Variants in MED23 observed in about 807,000 individuals in gnomAD.
The protein encoded by MED23 is mediator of RNA polymerase II transcription subunit 23.
In MED23, 105 loss-of-function variants were observed where a neutral mutation model predicts 163.9. The ratio of observed to expected loss-of-function variants is 0.64; its 90% CI spans 0.55 to 0.75. The LOEUF (loss-of-function observed/expected upper bound fraction) is 0.75. Ranked by LOEUF, MED23 falls within the 30% of genes least tolerant of loss-of-function variation. The probability of loss-of-function intolerance (pLI) is 0.00; values close to 1 mark genes in which losing one functional copy is unlikely to be tolerated. For missense variants in MED23, 1,054 were observed against 1,649.0 expected (o/e 0.64, Z 6.25); for synonymous variants, 561 against 565.6 (o/e 0.99, Z 0.12).
At chr6:131,579,760 A>G (rs935378162) in intron 30 of MED23, 1 of 159,110 alleles carries the variant, frequency 6.3e-6, no homozygotes, top group Non-Finnish European at 1.4e-5. Context: ...CATTTCAACC[A>G]GAATTGAAAA....
chr6:131,573,977 A>G, exon 31 of MED23: 1 of 418,756 alleles, frequency 2.4e-6, no homozygotes, highest in African/African-American at 2.0e-5. Flanking sequence ...TGGCAACTCT[A>G]AAAGGATTTT....
exon 31 of MED23, chr6:131,574,115 G>C: frequency 1.3e-6 from 1 of 756,838 alleles, no homozygotes; most frequent in South Asian, 1.5e-5. Flanking sequence ...TGTGATGACA[G>C]AACACCTTAG....
At chr6:131,579,028 A>G in intron 30 of MED23, 1 of 1,494,466 alleles carries the variant, frequency 6.7e-7, no homozygotes, top group Non-Finnish European at 9.2e-7. Context: ...ATATATGCCT[A>G]TTTTATACAA....
intron 26 of MED23, among the ~76,000 whole-genome samples, chr6:131,590,967 G>T (rs1267530887): frequency 6.9e-6 from 1 of 145,322 alleles, no homozygotes; most frequent in Non-Finnish European, 1.5e-5. Context: ...AATGAGATTA[G>T]AACAAAATGA....
chr6:131,628,272 A>C, upstream of MED23: 3 of 566,852 alleles, frequency 5.3e-6, no homozygotes, highest in Non-Finnish European at 9.5e-6. Flanking sequence ...CCGTTTGCAA[A>C]CCCCGCAGAA....
chr6:131,621,941 A>C lies in MED23; in HGVS notation c.435T>G (p.Ile145Met). The change falls in exon 6 of 29, where the codon ATT (isoleucine) becomes ATG (methionine). Residue 145 changes from isoleucine to methionine, a missense_variant. Ile to Met is a conservative substitution (Grantham distance 10, BLOSUM62 1). Coordinates refer to ENST00000368068, the MANE Select transcript of MED23 (RefSeq NM_004830.4). ...RDLLKVILEK[I>M]LTIPNTVSSA... ...AGCTCACTGTATTAGGAATTGTCAA[A>C]ATCTTCTCCAAAATCACTTTTAAGA... 1 of 1,613,860 alleles carries C rather than the reference A, an allele frequency of 6.2e-7. No homozygotes were observed. The highest frequency in any genetic ancestry group is 8.5e-7 in the Non-Finnish European group (1 of 1,179,814).
Position 131,610,222 on chromosome 6 carries a change from C to T in MED23, c.901G>A (p.Glu301Lys). The T allele has an allele frequency of 6.2e-7, 1 of 1,613,946 alleles. No individual in the cohort carries two copies. The highest frequency in any genetic ancestry group is 8.5e-7 in the Non-Finnish European group (1 of 1,179,900). Residue 301 changes from glutamate to lysine, a missense_variant, in exon 11 of 29, where the codon GAG (glutamate) becomes AAG (lysine). Glu to Lys is a moderately conservative substitution (Grantham distance 56). Coordinates refer to ENST00000368068, the MANE Select transcript of MED23 (RefSeq NM_004830.4). Reference sequence around the variant, plus strand: ...ACAACCAGATCCACCAACTGGTCCTCCAGCACAGGGCAGCGCTGCTTGTGC... The same window carrying T: ...ACAACCAGATCCACCAACTGGTCCTTCAGCACAGGGCAGCGCTGCTTGTGC... ...KQHKQRCPVL[E>K]DQLVDLVVYA...
intron 18 of MED23, 141 bp downstream of exon 18, chr6:131,599,897 C>A (rs941401584): frequency 9.7e-7 from 1 of 1,026,624 alleles, no homozygotes; most frequent in Non-Finnish European, 1.4e-6. Flanking sequence ...GCTTGTGCCA[C>A]CATGCCCAGC....
intron 20 of MED23, among the ~76,000 whole-genome samples, chr6:131,597,699 A>T (rs2608984): frequency 0.17 from 25,749 of 152,010 alleles, 2,417 homozygotes; most frequent in East Asian, 0.33. Flanking sequence ...TCAAAGTATC[A>T]CAAGGCTAGG....
intron 17 of MED23, among the ~76,000 whole-genome samples, chr6:131,601,991 T>C (rs1220691349): frequency 6.6e-6 from 1 of 152,160 alleles, no homozygotes; most frequent in African/African-American, 2.4e-5. Context: ...GTATTACTAC[T>C]TTAAAATTAT....
In MED23 at chr6:131,598,433, C is replaced by T; in HGVS notation, c.2461G>A (p.Ala821Thr). The change falls in exon 20 of 29, where the codon GCC (alanine) becomes ACC (threonine). Residue 821 changes from alanine to threonine, a missense_variant. Transcript: ENST00000368068. The surrounding 1 kb of genome is among the most constrained non-coding windows in gnomAD (Gnocchi z 4.7). ...LERIGARALV[A>T]HVRTFADFLV... ...AAATCTGCAAATGTCCTCACATGGGCTACCAAGGCCCTGGCTCCAATTCTC... is the reference window on the plus strand; with the variant it reads ...AAATCTGCAAATGTCCTCACATGGGTTACCAAGGCCCTGGCTCCAATTCTC... The T allele has an allele frequency of 6.2e-7, 1 of 1,614,162 alleles. No individual in the cohort carries two copies. The highest frequency in any genetic ancestry group is 1.3e-5 in the African/African-American group (1 of 75,036).
chr6:131,586,137 T>C (rs1429473428), downstream of MED23, among the ~76,000 whole-genome samples: 2 of 152,226 alleles, frequency 1.3e-5, no homozygotes, highest in Admixed American at 6.5e-5. Flanking sequence ...GGCTCACGCC[T>C]GTAATCCCAG....
chr6:131,576,896 G>A (rs2114519984), intron 30 of MED23, among the ~76,000 whole-genome samples: 1 of 152,230 alleles, frequency 6.6e-6, no homozygotes, highest in South Asian at 2.1e-4. Context: ...AGGGCATGGG[G>A]AGAATGCTCA....
In MED23 at chr6:131,598,165, A is replaced by C. The variant is rs971023650; in HGVS notation, c.2607+122T>G. ...TCCGGCTCTTTAGGGAAGTGACAGCAATGCTTGATATAGTATAAATTCATT... is the reference window on the plus strand; with the variant it reads ...TCCGGCTCTTTAGGGAAGTGACAGCCATGCTTGATATAGTATAAATTCATT... On this transcript the variant is annotated intron_variant, in intron 20 of 28. Transcript: ENST00000368068. The surrounding 1 kb of genome is among the most constrained non-coding windows in gnomAD (Gnocchi z 4.7). 4.1e-6 allele frequency: 4 copies of C among 982,032 alleles called. No individual in the cohort carries two copies. Among genetic ancestry groups the C allele is most frequent in the Non-Finnish European group, 4.6e-6 (3 of 650,620 alleles). 60.8% of individuals were successfully genotyped at this position (982,032 alleles called of 1,614,324 possible). A position where few individuals can be genotyped will look rare whatever the true frequency, so the allele number is the denominator to read the frequency against.
In MED23 at chr6:131,591,315, T is replaced by C. The variant is rs76412679; in HGVS notation, c.3684A>G (p.Pro1228=). Residue 1228 remains proline, a splice_region_variant and synonymous_variant, in exon 26 of 29, where the codon CCA becomes CCG. Coordinates refer to ENST00000368068, the MANE Select transcript of MED23 (RefSeq NM_004830.4). The part of the protein sequence containing the change: ...HSSIGQLSLI[P]KFLTEVLLPI... ...CTTTAAGAAATTATTATACTTACTT[T>C]GGAATGAGAGAAAGTTGTCCGATGC... 38 of 1,606,878 alleles carry C rather than the reference T, an allele frequency of 2.4e-5. No individual in the cohort carries two copies. In the East Asian group the frequency reaches 8.0e-4, roughly 34 times the overall value.
intron 6 of MED23, 107 bp from the exon 7 acceptor site, chr6:131,620,836 C>A: frequency 1.6e-6 from 1 of 634,788 alleles, no homozygotes; most frequent in Non-Finnish European, 2.6e-6. Context: ...GGGTCTTGCT[C>A]TGTTGCCCAG....
rs767061743 is a variant in MED23, at chr6:131,605,428, A to T, written c.1425T>A (p.Ala475=). Residue 475 remains alanine (A), a synonymous_variant, in exon 14 of 29, where the codon GCT becomes GCA. Coordinates refer to ENST00000368068, the MANE Select transcript of MED23 (RefSeq NM_004830.4). ...KSLQMNDYKI[A]LLCNAYSTNS... ...TTGTAGAGTATGCATTACACAATAG[A>T]GCAATCTTATAGTCATTCATCTGTA... The T allele has an allele frequency of 6.2e-7, 1 of 1,611,742 alleles. No individual in the cohort carries two copies. The highest frequency in any genetic ancestry group is 2.2e-5 in the East Asian group (1 of 44,808).
At position 131,595,954 on chromosome 6, in the gene MED23, T is replaced by C. The variant is rs761811249; in HGVS notation, c.2988A>G (p.Lys996=). The C allele has an allele frequency of 1.5e-5, 25 of 1,613,268 alleles. No individual in the cohort carries two copies. The highest frequency in any genetic ancestry group is 2.0e-5 in the Non-Finnish European group (24 of 1,179,522). Residue 996 remains lysine, a synonymous_variant, in exon 22 of 29, where the codon AAA becomes AAG. Coordinates refer to ENST00000368068, the MANE Select transcript of MED23 (RefSeq NM_004830.4). The stretch of plus-strand genomic sequence containing the variant: ...AAATTGGAAAAAGCTCACCATGAAA[T>C]TTATATAAGCCTCCTAGATGATCCA... ...TLLDHLGGLY[K]FHDRPVTYLY... is the part of the protein sequence containing the mutation.
Position 131,594,339 on chromosome 6 carries a change from C to A in MED23, c.2996-4G>T, listed in dbSNP as rs371127296. The A allele has an allele frequency of 1.2e-6, 2 of 1,604,908 alleles. No individual in the cohort carries two copies. Among genetic ancestry groups the A allele is most frequent in the African/African-American group, 2.7e-5 (2 of 74,666 alleles). On this transcript the variant is annotated splice_region_variant and splice_polypyrimidine_tract_variant and intron_variant, in intron 22 of 28. Coordinates refer to ENST00000368068, the MANE Select transcript of MED23 (RefSeq NM_004830.4). Reference sequence around the variant, plus strand: ...TACAGATAAGTCACTGGACGATCTGCCAAGAAAAAAACATACCACCACAAT... The same window carrying A: ...TACAGATAAGTCACTGGACGATCTGACAAGAAAAAAACATACCACCACAAT...
Sources: gnomAD v4.1 joint callset for allele counts (sites outside exome capture counted in the v4.1 genomes callset) on GRCh38, gnomAD v4.1.1 for gene constraint, Gnocchi (gnomAD v3.1) non-coding constraint, MANE v1.5 for transcripts, NCBI Gene and HGNC (gene_info 2026-07-23, HGNC 2026-07-21) for gene names.